Variants in ACOXL observed in about 807,000 individuals in gnomAD.
The protein encoded by ACOXL is acyl-coenzyme A oxidase-like protein.
Under a neutral mutation model 71.9 loss-of-function variants are expected in ACOXL, and 70 were observed. The ratio of observed to expected loss-of-function variants is 0.97; its 90% confidence interval spans 0.80 to 1.19. The LOEUF is 1.19. Ranked by LOEUF, ACOXL falls within the 50% of genes most tolerant of loss-of-function variation. The probability of loss-of-function intolerance (pLI) is 0.00; values close to 1 mark genes in which losing one functional copy is unlikely to be tolerated. For synonymous variants in ACOXL, 253 were observed against 281.6 expected (o/e 0.90, Z 1.02); for missense variants, 703 against 736.3 (o/e 0.95, Z 0.52).
At chr2:111,090,545 C>T (rs1002625804) in intron 16 of ACOXL, among the ~76,000 whole-genome samples, 2 of 152,116 alleles carry the variant, frequency 1.3e-5, no homozygotes, top group Non-Finnish European at 2.9e-5. Context: ...AAGCCAAAAA[C>T]GTGGCCCTGA....
intron 12 of ACOXL, among the ~76,000 whole-genome samples, chr2:110,934,374 G>A (rs1574183447): frequency 3.3e-5 from 5 of 152,208 alleles, no homozygotes; most frequent in Admixed American, 2.6e-4. Context: ...CAAGCCAGAT[G>A]TGGCAGCTAC....
intron 9 of ACOXL, among the ~76,000 whole-genome samples, chr2:110,824,532 C>A (rs1688958072): frequency 6.6e-6 from 1 of 152,108 alleles, no homozygotes; most frequent in Non-Finnish European, 1.5e-5. Context: ...TTTTCTCTCT[C>A]TTTTGGGTAA....
chr2:111,029,387 A>G (rs1216287737), intron 14 of ACOXL, among the ~76,000 whole-genome samples: 1 of 152,220 alleles, frequency 6.6e-6, no homozygotes, highest in Non-Finnish European at 1.5e-5. Context: ...GTTGCCAGCA[A>G]TACTCTCGAA....
chr2:110,963,574 TG>T, intron 12 of ACOXL: 17 of 990,234 alleles, frequency 1.7e-5, no homozygotes, highest in Non-Finnish European at 2.3e-5. Flanking sequence ...AATGTGTGTG[TG>T]TGTGTGTGTG....
chr2:110,827,563 G>A (rs887414722), intron 9 of ACOXL, among the ~76,000 whole-genome samples: 7 of 152,180 alleles, frequency 4.6e-5, no homozygotes, highest in African/African-American at 1.4e-4. Context: ...AGGGTTTCCA[G>A]TGGGATTCAG....
chr2:110,865,620 T>C (rs1011253347), intron 10 of ACOXL, among the ~76,000 whole-genome samples: 2 of 152,240 alleles, frequency 1.3e-5, no homozygotes, highest in Non-Finnish European at 2.9e-5. Flanking sequence ...AAGTGATAGA[T>C]GGAGCACATT....
chr2:110,986,489 G>A (rs62161501), intron 12 of ACOXL, among the ~76,000 whole-genome samples: 27,075 of 152,156 alleles, frequency 0.18, 3,017 homozygotes, highest in Middle Eastern at 0.28. Flanking sequence ...GCAGCATGTC[G>A]GGGCTGAGTG....
At chr2:110,758,121 T>C (rs1220397981) in intron 1 of ACOXL, among the ~76,000 whole-genome samples, 1 of 152,232 alleles carries the variant, frequency 6.6e-6, no homozygotes, top group Non-Finnish European at 1.5e-5. Flanking sequence ...ACTTGCCAGC[T>C]CTCCCAGCAC....
At chr2:111,022,451 A>T (rs1231714450) in intron 14 of ACOXL, among the ~76,000 whole-genome samples, 1 of 151,160 alleles carries the variant, frequency 6.6e-6, no homozygotes, top group Non-Finnish European at 1.5e-5. Flanking sequence ...ACACACACAA[A>T]GGCACACACA....
rs1236542010 is a variant in ACOXL at position 110,858,758 on chromosome 2, A to T, written c.788+17353A>T. Among the ~76,000 whole-genome samples the T allele has an allele frequency of 6.6e-5, 10 of 152,224 alleles. 1 individual carries two copies. The highest frequency in any genetic ancestry group is 6.5e-4 in the Admixed American group (10 of 15,288). On this transcript the variant is annotated intron_variant, in intron 10 of 17. Transcript: ENST00000439055. ...AGTTATGGAACAAAATACAAATGTTATTTCTTTAAAATATCACGGTGCCAG... is the reference window on the plus strand; with the variant it reads ...AGTTATGGAACAAAATACAAATGTTTTTTCTTTAAAATATCACGGTGCCAG...
chr2:110,739,154 G>A (rs1677206661), intron 1 of ACOXL, among the ~76,000 whole-genome samples: 1 of 152,182 alleles, frequency 6.6e-6, no homozygotes, highest in South Asian at 2.1e-4. Flanking sequence ...AGTCATGGAT[G>A]TTTGTTCACA....
intron 11 of ACOXL, among the ~76,000 whole-genome samples, chr2:110,912,382 A>G (rs2059680827): frequency 6.6e-6 from 1 of 152,144 alleles, no homozygotes; most frequent in Non-Finnish European, 1.5e-5. Flanking sequence ...ATGAAGCTGC[A>G]GTAATCAAGA....
At chr2:110,977,751 C>G (rs562605946) in intron 12 of ACOXL, among the ~76,000 whole-genome samples, 13 of 152,326 alleles carry the variant, frequency 8.5e-5, no homozygotes, top group African/African-American at 3.1e-4. Context: ...CTTTTCTTCT[C>G]TGCTCCCCAG....
At chr2:110,980,647 C>T (rs564337956) in intron 12 of ACOXL, among the ~76,000 whole-genome samples, 12 of 152,280 alleles carry the variant, frequency 7.9e-5, no homozygotes, top group Admixed American at 6.5e-4. Context: ...CCACGCTGGG[C>T]TCCAGGTGCT....
intron 12 of ACOXL, among the ~76,000 whole-genome samples, chr2:110,954,218 C>T (rs2061422576): frequency 6.6e-6 from 1 of 152,126 alleles, no homozygotes; most frequent in African/African-American, 2.4e-5. Context: ...CTGTTATATG[C>T]TTATAGTTTC....
chr2:111,045,172 A>G (rs563704335), intron 15 of ACOXL, among the ~76,000 whole-genome samples: 1 of 152,316 alleles, frequency 6.6e-6, no homozygotes, highest in East Asian at 1.9e-4. Context: ...GAGACTTTGC[A>G]TTTTGTTGGC....
chr2:110,774,806 A>C (rs1348570059), intron 2 of ACOXL, among the ~76,000 whole-genome samples: 3 of 152,242 alleles, frequency 2.0e-5, no homozygotes, highest in African/African-American at 7.2e-5. Context: ...TTTTGCGGAA[A>C]TAGAAAAACT....
chr2:110,972,653 A>ACACACACACACACACGTG (rs1553445385), intron 12 of ACOXL, among the ~76,000 whole-genome samples: 3 of 39,806 alleles, frequency 7.5e-5, no homozygotes, highest in African/African-American at 1.8e-4. Flanking sequence ...ACACGTGCAC[A>ACACACACACACACACGTG]CACACACACA....
chr2:110,975,536 CATA>C (rs2062406287), intron 12 of ACOXL, among the ~76,000 whole-genome samples: 1 of 151,894 alleles, frequency 6.6e-6, no homozygotes, highest in Non-Finnish European at 1.5e-5. Flanking sequence ...CTTATAAAAT[CATA>C]ATAACCATCA....
Sources: gnomAD v4.1 joint callset for allele counts (sites outside exome capture counted in the v4.1 genomes callset) on GRCh38, gnomAD v4.1.1 for gene constraint, MANE v1.5 for transcripts, NCBI Gene and HGNC (gene_info 2026-07-23, HGNC 2026-07-21) for gene names.